CPXM2: variants seen among roughly 807,000 people sequenced by gnomAD.
CPXM2 encodes carboxypeptidase X, M14 family member 2.
CPXM2 carries 66 observed loss-of-function variants against 86.1 expected under a neutral mutation model. That is an observed-to-expected ratio of 0.77 (90% CI 0.63 to 0.94). CPXM2 has a LOEUF of 0.94. Ranked by LOEUF, CPXM2 falls within the 40% of genes least tolerant of loss-of-function variation. CPXM2 has a pLI of 0.00. For missense variants in CPXM2, 948 were observed against 1,026.3 expected (o/e 0.92, Z 1.04); for synonymous variants, 388 against 400.2 (o/e 0.97, Z 0.36).
chr10:123,919,854 T>G (rs1316437695), intron 2 of CPXM2, among the ~76,000 whole-genome samples: 1 of 152,078 alleles, frequency 6.6e-6, no homozygotes, highest in African/African-American at 2.4e-5. Flanking sequence ...TGACAGAAGG[T>G]GAAAAGGAGG....
intron 6 of CPXM2, among the ~76,000 whole-genome samples, chr10:123,782,660 C>T (rs60378205): frequency 0.011 from 1,605 of 152,302 alleles, 30 homozygotes; most frequent in African/African-American, 0.037. Flanking sequence ...CCAGAGTCCA[C>T]AGACAGAGCC....
At chr10:123,924,840 T>C (rs113264386) in intron 2 of CPXM2, among the ~76,000 whole-genome samples, 36 of 152,124 alleles carry the variant, frequency 2.4e-4, no homozygotes, top group African/African-American at 8.0e-4. Flanking sequence ...GGAAATTCCA[T>C]AGGATTTAGG....
upstream of CPXM2, among the ~76,000 whole-genome samples, chr10:123,942,317 C>G (rs1307713883): frequency 6.6e-6 from 1 of 152,128 alleles, no homozygotes; most frequent in Non-Finnish European, 1.5e-5. Flanking sequence ...GGGCTGCATT[C>G]CCAGGAGGTT....
At chr10:123,792,634 C>CGGGCT (rs1307529676) in intron 6 of CPXM2, among the ~76,000 whole-genome samples, 2 of 152,180 alleles carry the variant, frequency 1.3e-5, no homozygotes, top group African/African-American at 4.8e-5. Context: ...GGCAGGGCAG[C>CGGGCT]AGGCTAGACT....
intron 2 of CPXM2, among the ~76,000 whole-genome samples, chr10:123,937,431 C>A (rs1945730955): frequency 6.6e-6 from 1 of 150,856 alleles, no homozygotes; most frequent in Non-Finnish European, 1.5e-5. Flanking sequence ...AACAGGCATC[C>A]CCAGCTTTCA....
chr10:123,932,014 TG>T (rs890864488), intron 2 of CPXM2, among the ~76,000 whole-genome samples: 3 of 151,938 alleles, frequency 2.0e-5, no homozygotes, highest in Non-Finnish European at 4.4e-5. Flanking sequence ...TAAGTCTGAG[TG>T]GTTTTTTTTA....
intron 9 of CPXM2, among the ~76,000 whole-genome samples, chr10:123,767,598 A>G (rs571339411): frequency 6.6e-6 from 1 of 152,178 alleles, no homozygotes; most frequent in Non-Finnish European, 1.5e-5. Flanking sequence ...ATGTGACCAC[A>G]TTTCTATACT....
intron 2 of CPXM2, among the ~76,000 whole-genome samples, chr10:123,901,123 A>G (rs1346037286): frequency 6.6e-6 from 1 of 152,228 alleles, no homozygotes; most frequent in Non-Finnish European, 1.5e-5. Context: ...ACCCTTACAC[A>G]GTAAGAAAAA....
At chr10:123,765,607 C>T (rs1178634588) in intron 10 of CPXM2, among the ~76,000 whole-genome samples, 1 of 152,216 alleles carries the variant, frequency 6.6e-6, no homozygotes, top group African/African-American at 2.4e-5. Flanking sequence ...AAAACAGGTT[C>T]TGTGGGAAAC....
chr10:123,776,791 A>C (rs1195679838), intron 7 of CPXM2: 4 of 152,248 alleles, frequency 2.6e-5, no homozygotes, highest in Admixed American at 1.3e-4. Context: ...AATGGGGAGA[A>C]AATGAAAACT....
chr10:123,930,060 C>T (rs780493123), intron 2 of CPXM2, among the ~76,000 whole-genome samples: 7 of 152,222 alleles, frequency 4.6e-5, no homozygotes, highest in Non-Finnish European at 8.8e-5. Context: ...TGGCTCCCCT[C>T]CACCCCTGTC....
At chr10:123,839,306 A>T (rs1328096996) in intron 4 of CPXM2, among the ~76,000 whole-genome samples, 1 of 152,166 alleles carries the variant, frequency 6.6e-6, no homozygotes, top group African/African-American at 2.4e-5. Flanking sequence ...TGGCTTCTCA[A>T]TCTTCTCTTC....
intron 2 of CPXM2, among the ~76,000 whole-genome samples, chr10:123,866,051 TC>T (rs1338499378): frequency 6.6e-6 from 1 of 152,096 alleles, no homozygotes. Context: ...CTCTTTCTCT[TC>T]CCTCTCGGTC....
chr10:123,761,720 G>C, intron 11 of CPXM2, 152 bp downstream of exon 11: 1 of 697,880 alleles, frequency 1.4e-6, no homozygotes, highest in Non-Finnish European at 2.4e-6. Context: ...TGAGTGTTGT[G>C]CTTAGGAAAG....
chr10:123,897,672 A>C (rs1033684298), intron 2 of CPXM2, among the ~76,000 whole-genome samples: 1 of 152,180 alleles, frequency 6.6e-6, no homozygotes, highest in Admixed American at 6.5e-5. Flanking sequence ...AAGTTCTTTA[A>C]ATTTAGAAGT....
chr10:123,916,824 G>C (rs28409908), intron 2 of CPXM2, among the ~76,000 whole-genome samples: 53,270 of 151,300 alleles, frequency 0.35, 9,777 homozygotes, highest in Middle Eastern at 0.55. Flanking sequence ...GTTGTCCAGG[G>C]TGGAGTGCAG....
At chr10:123,841,766 C>G (rs1848391499) in intron 4 of CPXM2, among the ~76,000 whole-genome samples, 1 of 152,222 alleles carries the variant, frequency 6.6e-6, no homozygotes, top group African/African-American at 2.4e-5. Context: ...TGCAGCCCAT[C>G]TCTCCTGTGA....
chr10:123,788,279 CAAAAAA>C (rs55818352), intron 6 of CPXM2, among the ~76,000 whole-genome samples: 2 of 124,244 alleles, frequency 1.6e-5, no homozygotes, highest in Admixed American at 8.3e-5. Context: ...GACCCCATCT[CAAAAAA>C]AAAAAAAAAA....
At chr10:123,917,005 A>G (rs1356918332) in intron 2 of CPXM2, among the ~76,000 whole-genome samples, 1 of 151,994 alleles carries the variant, frequency 6.6e-6, no homozygotes, top group African/African-American at 2.4e-5. Context: ...AGAATGACAG[A>G]TAGGGAGATG....
Sources: allele counts gnomAD v4.1 joint callset (sites outside exome capture counted in the v4.1 genomes callset), GRCh38; gene constraint gnomAD v4.1.1; transcripts MANE v1.5; gene names NCBI Gene and HGNC (gene_info 2026-07-23, HGNC 2026-07-21).